RUNDC3B: variants seen among roughly 807,000 people sequenced by gnomAD.
The protein encoded by RUNDC3B is RUN domain containing 3B.
RUNDC3B carries 33 observed loss-of-function variants against 58.4 expected under a neutral mutation model. The observed-to-expected ratio is 0.56, with a 90% CI of 0.43 to 0.75. The LOEUF is 0.75. RUNDC3B is among the 30% of genes least tolerant of loss of function. The pLI, the probability that RUNDC3B is intolerant of heterozygous loss-of-function variation, is 0.00. For missense variants in RUNDC3B, 501 were observed against 535.7 expected (o/e 0.94, Z 0.64); for synonymous variants, 193 against 195.2 (o/e 0.99, Z 0.10).
intron 9 of RUNDC3B, among the ~76,000 whole-genome samples, chr7:87,814,825 C>T (rs183250462): frequency 6.6e-6 from 1 of 152,192 alleles, no homozygotes; most frequent in East Asian, 1.9e-4. Context: ...AGTGAGAACA[C>T]TGTATTATAA....
At chr7:87,771,043 G>A (rs2130870245) in intron 7 of RUNDC3B, among the ~76,000 whole-genome samples, 1 of 152,256 alleles carries the variant, frequency 6.6e-6, no homozygotes, top group African/African-American at 2.4e-5. Context: ...AAGATGATTG[G>A]TTTGTGAAAA....
chr7:87,636,989 G>A (rs976199663), intron 1 of RUNDC3B, among the ~76,000 whole-genome samples: 1 of 152,154 alleles, frequency 6.6e-6, no homozygotes, highest in Non-Finnish European at 1.5e-5. Flanking sequence ...ATGAGAACAT[G>A]AGAACCAAGC....
At chr7:87,718,819 C>T (rs910778933) in intron 4 of RUNDC3B, among the ~76,000 whole-genome samples, 13 of 152,090 alleles carry the variant, frequency 8.5e-5, no homozygotes, top group Admixed American at 5.2e-4. Context: ...ATGTATTGCA[C>T]TCTTCTTACT....
chr7:87,709,289 T>C lies in RUNDC3B; in HGVS notation c.373-1281T>C, dbSNP rs1178714391. On this transcript the variant is annotated intron_variant, in intron 3 of 10. Coordinates refer to ENST00000394654, the MANE Select transcript of RUNDC3B (RefSeq NM_001134405.2). ...CTGGAGAGCAACTTTCTTGACTTCA[T>C]TGGTGAAATTGTAGCCTTTTGATTC... The C allele has an allele frequency of 7.1e-6, 7 of 985,138 alleles. No homozygotes were observed. The African/African-American group carries it at 1.2e-4, about 17-fold the overall frequency. The allele number at this position is 985,138 out of a possible 1,614,324, so 61.0% of individuals were successfully genotyped here.
chr7:87,780,249 G>T (rs1834853614), intron 8 of RUNDC3B, among the ~76,000 whole-genome samples: 1 of 152,186 alleles, frequency 6.6e-6, no homozygotes, highest in Middle Eastern at 3.2e-3. Flanking sequence ...CCCATCAACA[G>T]AGTGTAAGCA....
At chr7:87,720,245 T>C (rs1830796545) in intron 4 of RUNDC3B, among the ~76,000 whole-genome samples, 1 of 152,116 alleles carries the variant, frequency 6.6e-6, no homozygotes, top group African/African-American at 2.4e-5. Context: ...ACTTTTCTTA[T>C]TATAAGGGAA....
chr7:87,660,060 G>A (rs542780052), intron 2 of RUNDC3B, among the ~76,000 whole-genome samples: 48 of 152,070 alleles, frequency 3.2e-4, no homozygotes, highest in Non-Finnish European at 4.0e-4. Context: ...AGTAAAATTA[G>A]TCTGTTTTGT....
chr7:87,693,113 T>A (rs1828164445), intron 2 of RUNDC3B, among the ~76,000 whole-genome samples: 1 of 152,148 alleles, frequency 6.6e-6, no homozygotes. Context: ...GAAATGTTAT[T>A]TTTTGGGAAT....
At chr7:87,651,223 G>T (rs1823537326) in intron 2 of RUNDC3B, among the ~76,000 whole-genome samples, 1 of 152,078 alleles carries the variant, frequency 6.6e-6, no homozygotes, top group Non-Finnish European at 1.5e-5. Context: ...CATCCCAAAG[G>T]TTACTAGATG....
At chr7:87,716,536 A>G (rs1444094478) in intron 4 of RUNDC3B, among the ~76,000 whole-genome samples, 1 of 152,168 alleles carries the variant, frequency 6.6e-6, no homozygotes, top group East Asian at 1.9e-4. Flanking sequence ...TATACACAAA[A>G]TATTTCTGTT....
At chr7:87,754,905 A>C (rs13438341) in intron 6 of RUNDC3B, among the ~76,000 whole-genome samples, 6,796 of 145,708 alleles carry the variant, frequency 0.047, 240 homozygotes, top group East Asian at 0.089. Flanking sequence ...AACAATAATG[A>C]GCTCTGAAAT....
At chr7:87,824,543 C>T (rs758533898) in intron 10 of RUNDC3B, among the ~76,000 whole-genome samples, 1 of 152,056 alleles carries the variant, frequency 6.6e-6, no homozygotes, top group South Asian at 2.1e-4. Flanking sequence ...AAATTGGTAC[C>T]AGTAGAGTGG....
chr7:87,820,812 G>A (rs1837377886), intron 10 of RUNDC3B, among the ~76,000 whole-genome samples: 1 of 151,582 alleles, frequency 6.6e-6, no homozygotes, highest in African/African-American at 2.4e-5. Context: ...AATAGATGCA[G>A]AAAAGGCCTT....
chr7:87,752,292 G>C (rs1431839994), intron 6 of RUNDC3B, among the ~76,000 whole-genome samples: 8 of 152,224 alleles, frequency 5.3e-5, no homozygotes, highest in Admixed American at 2.0e-4. Flanking sequence ...TTTTATTGAG[G>C]ATTTTTGCAT....
intron 10 of RUNDC3B, among the ~76,000 whole-genome samples, chr7:87,823,257 C>A (rs1223353058): frequency 6.6e-6 from 1 of 151,956 alleles, no homozygotes; most frequent in Non-Finnish European, 1.5e-5. Context: ...TTTCCACAAG[C>A]CTGATTGAAC....
At chr7:87,823,172 C>T (rs1442007141) in intron 10 of RUNDC3B, among the ~76,000 whole-genome samples, 2 of 152,076 alleles carry the variant, frequency 1.3e-5, no homozygotes, top group African/African-American at 4.8e-5. Flanking sequence ...TTAGCCAGAT[C>T]TATTACCAAA....
At chr7:87,689,127 A>T (rs1585108423) in intron 2 of RUNDC3B, among the ~76,000 whole-genome samples, 1 of 152,074 alleles carries the variant, frequency 6.6e-6, no homozygotes, top group East Asian at 1.9e-4. Flanking sequence ...AAAGAAGATG[A>T]TACTATGAAA....
intron 3 of RUNDC3B, among the ~76,000 whole-genome samples, chr7:87,703,144 G>A (rs1829243363): frequency 1.3e-5 from 2 of 152,030 alleles, no homozygotes; most frequent in Admixed American, 6.5e-5. Context: ...ATTATTTCAC[G>A]ATTATAGAAT....
At chr7:87,674,271 C>T (rs1161114886) in intron 2 of RUNDC3B, among the ~76,000 whole-genome samples, 5 of 152,140 alleles carry the variant, frequency 3.3e-5, no homozygotes, top group African/African-American at 1.2e-4. Flanking sequence ...CAGTGATGTA[C>T]ATGCAGGTAC....
Sources: gnomAD v4.1 joint callset for allele counts (sites outside exome capture counted in the v4.1 genomes callset) on GRCh38, gnomAD v4.1.1 for gene constraint, MANE v1.5 for transcripts, NCBI Gene and HGNC (gene_info 2026-07-23, HGNC 2026-07-21) for gene names.